The following GALNT13 variants were observed in gnomAD, a reference collection of about 807,000 sequenced individuals.
The protein encoded by GALNT13 is UDP-GalNAc:polypeptide N-acetylgalactosaminyltransferase 13.
GALNT13 carries 28 observed loss-of-function variants against 64.2 expected under a neutral mutation model. That is an observed-to-expected ratio of 0.44 (90% CI 0.32 to 0.60). The LOEUF (loss-of-function observed/expected upper bound fraction) is 0.60. Among genes scored for constraint, GALNT13 ranks in the 20% least tolerant of loss-of-function variants. GALNT13 has a pLI of 0.05. For missense variants in GALNT13, 577 were observed against 669.8 expected (o/e 0.86, Z 1.53); for synonymous variants, 214 against 224.6 (o/e 0.95, Z 0.42).
At chr2:153,235,592 C>T in the GALNT13 span, among the ~76,000 whole-genome samples, 1 of 152,192 alleles carries the variant, frequency 6.6e-6, no homozygotes, top group Admixed American at 6.5e-5. Flanking sequence ...TTATAGTGAG[C>T]ATAGGTCAGC....
chr2:153,523,238 T>C, the GALNT13 span, among the ~76,000 whole-genome samples: 1 of 152,064 alleles, frequency 6.6e-6, no homozygotes, highest in East Asian at 1.9e-4. Flanking sequence ...TTATAGTACA[T>C]CTTAAAGTCA....
chr2:153,627,496 T>A, the GALNT13 span, among the ~76,000 whole-genome samples: 1 of 152,210 alleles, frequency 6.6e-6, no homozygotes, highest in African/African-American at 2.4e-5. Flanking sequence ...AATTGCTATA[T>A]TATTGTAGTA....
At chr2:153,617,857 A>G in the GALNT13 span, among the ~76,000 whole-genome samples, 1 of 151,924 alleles carries the variant, frequency 6.6e-6, no homozygotes, top group Non-Finnish European at 1.5e-5. Flanking sequence ...TGCTCATAGT[A>G]GCTAGTAACA....
chr2:154,357,838 C>T (rs898842780), intron 9 of GALNT13, among the ~76,000 whole-genome samples: 2 of 151,962 alleles, frequency 1.3e-5, no homozygotes, highest in African/African-American at 4.8e-5. Context: ...TGGTTTGCAG[C>T]TATTATGTTC....
chr2:153,445,039 A>G, the GALNT13 span, among the ~76,000 whole-genome samples: 4 of 152,198 alleles, frequency 2.6e-5, no homozygotes, highest in Admixed American at 2.6e-4. Context: ...CTATTACTCA[A>G]CATTTTCCAT....
chr2:153,462,050 A>T, the GALNT13 span, among the ~76,000 whole-genome samples: 2 of 151,982 alleles, frequency 1.3e-5, no homozygotes, highest in Non-Finnish European at 2.9e-5. Context: ...TAAAATCCCA[A>T]ATTTTACTGT....
the GALNT13 span, among the ~76,000 whole-genome samples, chr2:153,222,915 G>A: frequency 1.3e-5 from 2 of 152,034 alleles, no homozygotes; most frequent in African/African-American, 2.4e-5. Context: ...CCAGAGAGGC[G>A]GCTGGGAAAC....
intron 10 of GALNT13, among the ~76,000 whole-genome samples, chr2:154,401,628 A>G (rs1257425847): frequency 6.6e-6 from 1 of 152,164 alleles, no homozygotes; most frequent in African/African-American, 2.4e-5. Flanking sequence ...TTTCTAATAA[A>G]CTAAAATTCA....
At chr2:154,160,674 A>T (rs1169557503) in intron 4 of GALNT13, among the ~76,000 whole-genome samples, 1 of 152,170 alleles carries the variant, frequency 6.6e-6, no homozygotes, top group East Asian at 1.9e-4. Flanking sequence ...CAAGAGTGAG[A>T]TGCTGATCTC....
At chr2:153,832,738 T>TA in the GALNT13 span, among the ~76,000 whole-genome samples, 1 of 152,146 alleles carries the variant, frequency 6.6e-6, no homozygotes, top group East Asian at 1.9e-4. Flanking sequence ...GGTACCTAGT[T>TA]ATGTTTTTCT....
intron 4 of GALNT13, among the ~76,000 whole-genome samples, chr2:154,220,547 C>T (rs1688270052): frequency 6.6e-6 from 1 of 151,990 alleles, no homozygotes; most frequent in African/African-American, 2.4e-5. Flanking sequence ...TGCACATATG[C>T]ATACACACAT....
chr2:153,951,677 G>A (rs1282893125), intron 3 of GALNT13, among the ~76,000 whole-genome samples: 1 of 152,050 alleles, frequency 6.6e-6, no homozygotes, highest in African/African-American at 2.4e-5. Context: ...TTTTGGACAC[G>A]TTGAGTTTGA....
the GALNT13 span, among the ~76,000 whole-genome samples, chr2:153,083,693 G>A: frequency 6.6e-6 from 1 of 152,110 alleles, no homozygotes; most frequent in Non-Finnish European, 1.5e-5. Context: ...TGGGTTGTCT[G>A]TTACTGTGCT....
chr2:154,301,918 A>C (rs927235777), intron 9 of GALNT13, among the ~76,000 whole-genome samples: 7 of 152,126 alleles, frequency 4.6e-5, no homozygotes, highest in Non-Finnish European at 5.9e-5. Flanking sequence ...GGGAAGATTA[A>C]ATGACTTCAT....
chr2:153,909,405 T>C (rs1018210120), intron 2 of GALNT13, among the ~76,000 whole-genome samples: 5 of 152,136 alleles, frequency 3.3e-5, no homozygotes, highest in African/African-American at 1.2e-4. Context: ...ACTCCCTTTC[T>C]TTCTGTATGT....
At chr2:153,889,322 T>G (rs956324842) in intron 1 of GALNT13, among the ~76,000 whole-genome samples, 1 of 151,920 alleles carries the variant, frequency 6.6e-6, no homozygotes, top group African/African-American at 2.4e-5. Context: ...AAAATGCTCC[T>G]TATCCCAAAC....
chr2:154,343,342 C>T (rs1574122793), intron 9 of GALNT13, among the ~76,000 whole-genome samples: 1 of 152,090 alleles, frequency 6.6e-6, no homozygotes, highest in Non-Finnish European at 1.5e-5. Context: ...TATATATTTG[C>T]TTATTCATAA....
the GALNT13 span, among the ~76,000 whole-genome samples, chr2:153,189,395 A>G: frequency 2.6e-5 from 4 of 152,190 alleles, no homozygotes; most frequent in Non-Finnish European, 4.4e-5. Context: ...GCTGCAAATG[A>G]CATATTTTTT....
At chr2:153,163,751 G>A in the GALNT13 span, among the ~76,000 whole-genome samples, 4 of 152,204 alleles carry the variant, frequency 2.6e-5, no homozygotes, top group African/African-American at 9.7e-5. Context: ...CGGACGCGGA[G>A]GCTCAAGCCT....
Sources: allele counts gnomAD v4.1 joint callset (sites outside exome capture counted in the v4.1 genomes callset), GRCh38; gene constraint gnomAD v4.1.1; transcripts MANE v1.5; gene names NCBI Gene and HGNC (gene_info 2026-07-23, HGNC 2026-07-21).